Variants in IL17RD observed in about 807,000 individuals in gnomAD.
IL17RD encodes interleukin-17 receptor D.
Under a neutral mutation model 80.5 loss-of-function variants are expected in IL17RD, and 52 were observed. The observed-to-expected ratio is 0.65, with a 90% CI of 0.52 to 0.81. The LOEUF (loss-of-function observed/expected upper bound fraction) is 0.81, where lower values mean the gene tolerates loss of function less well. Among genes scored for constraint, IL17RD ranks in the 40% least tolerant of loss-of-function variants. IL17RD has a pLI of 0.00. For missense variants in IL17RD, 1,024 were observed against 955.1 expected (o/e 1.07, Z -0.95); for synonymous variants, 416 against 391.8 (o/e 1.06, Z -0.73).
Position 57,098,209 on chromosome 3 carries a change from G to A in IL17RD, c.1494C>T (p.Tyr498=). The A allele has an allele frequency of 6.2e-7, 1 of 1,613,930 alleles. No homozygotes were observed. Among genetic ancestry groups the A allele is most frequent in the Non-Finnish European group, 8.5e-7 (1 of 1,179,848 alleles). The change falls in exon 12 of 13, where the codon TAC becomes TAT. Residue 498 remains tyrosine (Y), a synonymous_variant. Coordinates refer to ENST00000296318, the MANE Select transcript of IL17RD (RefSeq NM_017563.5). ...GCTGAGGAAGATTGTCCATGAGTCT[G>A]TACTTGGTACTCAGGTCTAGGATAC... ...VPGILDLSTK[Y]RLMDNLPQLC...
In IL17RD at chr3:57,101,164, C is replaced by G. The variant is rs773728503; in HGVS notation, c.1164+15G>C. ...GTCCTGGCCAGGGTAGGAGAAGGAA[C>G]TTTAGATTCCGCACCTCACAGCCAC... On this transcript the variant is annotated intron_variant, in intron 11 of 12. Transcript: ENST00000296318. 9 of 1,610,754 alleles carry G rather than the reference C, an allele frequency of 5.6e-6. No individual in the cohort carries two copies. The highest frequency in any genetic ancestry group is 7.6e-6 in the Non-Finnish European group (9 of 1,177,768).
chr3:57,103,153 A>G lies in IL17RD; in HGVS notation c.814-8T>C. On this transcript the variant is annotated splice_region_variant and splice_polypyrimidine_tract_variant and intron_variant, in intron 8 of 12. Transcript: ENST00000296318. ...GTTAGTGTCATCCACCAGCTGCAAA[A>G]CAGAGGATGCTGCATTATTTTTTTT... 1 of 1,598,918 alleles carries G rather than the reference A, an allele frequency of 6.3e-7. No individual in the cohort carries two copies. The highest frequency in any genetic ancestry group is 8.5e-7 in the Non-Finnish European group (1 of 1,171,710).
chr3:57,131,796 C>A (rs1238649368), intron 1 of IL17RD, among the ~76,000 whole-genome samples: 2 of 152,216 alleles, frequency 1.3e-5, no homozygotes. Context: ...GCCCCCAGAC[C>A]TCTCACCTGC....
chr3:57,106,997 C>A (rs1294251763), intron 5 of IL17RD, among the ~76,000 whole-genome samples: 1 of 152,172 alleles, frequency 6.6e-6, no homozygotes, highest in Non-Finnish European at 1.5e-5. Flanking sequence ...TAAACACATT[C>A]TTTGAATCTT....
At chr3:57,151,365 A>C (rs778657042) in intron 1 of IL17RD, among the ~76,000 whole-genome samples, 6 of 152,208 alleles carry the variant, frequency 3.9e-5, no homozygotes, top group Non-Finnish European at 8.8e-5. Context: ...ACAGAGGCAC[A>C]GGTTATGCTA....
upstream of IL17RD, among the ~76,000 whole-genome samples, chr3:57,169,007 C>T (rs1330170901): frequency 1.3e-5 from 2 of 152,242 alleles, no homozygotes; most frequent in East Asian, 1.9e-4. Context: ...CGTGAGCCGC[C>T]GCTCCCAGTC....
At chr3:57,153,865 G>C (rs1274998347) in intron 1 of IL17RD, among the ~76,000 whole-genome samples, 1 of 151,976 alleles carries the variant, frequency 6.6e-6, no homozygotes, top group Non-Finnish European at 1.5e-5. Flanking sequence ...ATATATACCT[G>C]TATTTTGTAC....
rs1300988874 is a variant in IL17RD, at chr3:57,090,158, C to G, written c.*6235G>C. On this transcript the variant is annotated 3_prime_UTR_variant, in exon 13 of 13. Coordinates refer to ENST00000296318, the MANE Select transcript of IL17RD (RefSeq NM_017563.5). The stretch of plus-strand genomic sequence containing the variant: ...AGTTCTGTCAGTGCTCATTATCCCA[C>G]TAGATCCCACAAAGGGCAAACTCAA... 1 of 152,614 alleles carries G rather than the reference C, an allele frequency of 6.6e-6. No homozygotes were observed. Among genetic ancestry groups the G allele is most frequent in the Admixed American group, 6.5e-5 (1 of 15,276 alleles). The allele number at this position is 152,614 out of a possible 1,614,324, so 9.5% of individuals were successfully genotyped here.
At chr3:57,110,999 C>A (rs1442697365) in intron 3 of IL17RD, among the ~76,000 whole-genome samples, 3 of 152,172 alleles carry the variant, frequency 2.0e-5, no homozygotes, top group Non-Finnish European at 4.4e-5. Context: ...CACCTGAGCT[C>A]CCCCCACTGC....
chr3:57,146,035 G>GTA (rs1559483492), intron 1 of IL17RD, among the ~76,000 whole-genome samples: 1 of 151,274 alleles, frequency 6.6e-6, no homozygotes, highest in Non-Finnish European at 1.5e-5. Context: ...ACACTCACGC[G>GTA]CGCGCGCGCG....
Position 57,097,735 on chromosome 3 carries a change from C to T in IL17RD, c.1968G>A (p.Ser656=), listed in dbSNP as rs551495269. 1 of 1,602,032 alleles carries T rather than the reference C, an allele frequency of 6.2e-7. No individual in the cohort carries two copies. Among genetic ancestry groups the T allele is most frequent in the Non-Finnish European group, 8.5e-7 (1 of 1,173,370 alleles). The stretch of plus-strand genomic sequence containing the variant: ...AGATGCCTGAGTCCCGCGGCATGTC[C>T]GAGGGGCTGCCGGCTTTCACCGTGT... The part of the protein sequence containing the change: ...LLHTVKAGSP[S]DMPRDSGIYD... The change falls in exon 12 of 13, where the codon TCG becomes TCA. Residue 656 remains serine, a synonymous_variant. Coordinates refer to ENST00000296318, the MANE Select transcript of IL17RD (RefSeq NM_017563.5).
rs554074599 is a variant in IL17RD at position 57,105,950 on chromosome 3, G to A, written c.654C>T (p.Phe218=). ...AGCCGAAGTTGTGCGGTGCATGGTC[G>A]AAGGACACCTGCATGTCCGAGCCAT... is the stretch of plus-strand genomic sequence containing the variant. The part of the protein sequence containing the change: ...SQHGSDMQVS[F]DHAPHNFGFR... The change falls in exon 7 of 13, where the codon TTC becomes TTT. Residue 218 remains phenylalanine (F), a synonymous_variant. Transcript: ENST00000296318. The A allele has an allele frequency of 1.8e-5, 29 of 1,613,858 alleles. No individual in the cohort carries two copies. The highest frequency in any genetic ancestry group is 4.0e-5 in the African/African-American group (3 of 75,020).
At chr3:57,119,634 C>T (rs1707291021) in intron 2 of IL17RD, among the ~76,000 whole-genome samples, 1 of 152,018 alleles carries the variant, frequency 6.6e-6, no homozygotes, top group Non-Finnish European at 1.5e-5. Flanking sequence ...CTGCAGATCC[C>T]TGGCCCATCT....
At chr3:57,166,641 G>C (rs1471496579), upstream of IL17RD, among the ~76,000 whole-genome samples, 1 of 152,124 alleles carries the variant, frequency 6.6e-6, no homozygotes, top group African/African-American at 2.4e-5. Context: ...TTCTATGGTG[G>C]CTCTTATGCA....
Position 57,105,552 on chromosome 3 carries a change from A to AAAAAAAAAAAAAATATATATAT in IL17RD, c.747+304_747+305insATATATATATTTTTTTTTTTTT. On this transcript the variant is annotated intron_variant, in intron 7 of 12. Transcript: ENST00000296318. ...ACTCCATCTCAAAAAAAAAAAAAAA[A>AAAAAAAAAAAAAATATATATAT]ATATATATATATATATATTTGTTCA... is the stretch of plus-strand genomic sequence containing the variant. 1.2e-3 allele frequency among the ~76,000 whole-genome samples: 74 copies of AAAAAAAAAAAAAATATATATAT among 63,558 alleles called. 1 individual carries two copies. Among genetic ancestry groups the AAAAAAAAAAAAAATATATATAT allele is most frequent in the African/African-American group, 6.8e-3 (73 of 10,706 alleles). 41.7% of individuals were successfully genotyped at this position (63,558 alleles called of 152,430 possible).
rs757905676 is a variant in IL17RD, at chr3:57,096,485, G to A, written c.2128C>T (p.Leu710Phe). The stretch of plus-strand genomic sequence containing the variant: ...CCAGAAGAGAGGAGCTTGGAAGGAA[G>A]GGCAGGAGGTTCCTCCTCACCTAAG... ...SGLGEEEPPALPSKLLSSGSC... is the reference protein window; with the variant it reads ...SGLGEEEPPAFPSKLLSSGSC... The change falls in exon 13 of 13, where the codon CTT becomes TTT. Residue 710 changes from leucine to phenylalanine, a missense_variant. Transcript: ENST00000296318. 1.9e-5 allele frequency: 31 copies of A among 1,613,120 alleles called. No homozygotes were observed. Among genetic ancestry groups the A allele is most frequent in the Admixed American group, 6.7e-5 (4 of 60,008 alleles).
At chr3:57,135,917 C>CA (rs1173892100) in intron 1 of IL17RD, among the ~76,000 whole-genome samples, 1 of 152,176 alleles carries the variant, frequency 6.6e-6, no homozygotes, top group Non-Finnish European at 1.5e-5. Context: ...ACAGTATACA[C>CA]ACGTTGATAC....
Position 57,098,578 on chromosome 3 carries a change from C to T in IL17RD, c.1165-40G>A, listed in dbSNP as rs781221015. The T allele has an allele frequency of 5.1e-6, 7 of 1,373,002 alleles. No homozygotes were observed. In the African/African-American group the frequency reaches 5.8e-5, roughly 11 times the overall value. 85.1% of individuals were successfully genotyped at this position (1,373,002 alleles called of 1,614,324 possible). On this transcript the variant is annotated intron_variant, in intron 11 of 12. Transcript: ENST00000296318. ...AGGCACCTCACCCATACAGAAGGCT[C>T]GGGAAGAGGCTCGGGAAGTGAGTAA... is the stretch of plus-strand genomic sequence containing the variant.
At chr3:57,130,540 C>T (rs1707584088) in intron 1 of IL17RD, among the ~76,000 whole-genome samples, 1 of 152,208 alleles carries the variant, frequency 6.6e-6, no homozygotes, top group African/African-American at 2.4e-5. Context: ...CTGCCTCTCT[C>T]TGCAAGGTCT....
Sources: gnomAD v4.1 joint callset for allele counts (sites outside exome capture counted in the v4.1 genomes callset) on GRCh38, gnomAD v4.1.1 for gene constraint, MANE v1.5 for transcripts, NCBI Gene and HGNC (gene_info 2026-07-23, HGNC 2026-07-21) for gene names.